Variants in PACS1 observed in about 807,000 individuals in gnomAD.
PACS1 encodes PACS-1.
A neutral mutation model predicts 115.0 loss-of-function variants in PACS1; 24 were observed. The ratio of observed to expected loss-of-function variants is 0.21; its 90% CI spans 0.15 to 0.29. The LOEUF is 0.29. Among genes scored for constraint, PACS1 ranks in the 10% least tolerant of loss-of-function variants. The pLI, the probability that PACS1 is intolerant of heterozygous loss-of-function variation, is 1.00. For missense variants in PACS1, 838 were observed against 1,251.2 expected (o/e 0.67, Z 4.98); for synonymous variants, 453 against 504.5 (o/e 0.90, Z 1.37).
intron 1 of PACS1, among the ~76,000 whole-genome samples, chr11:66,172,604 G>A (rs1375880819): frequency 2.0e-5 from 3 of 152,166 alleles, no homozygotes; most frequent in African/African-American, 7.2e-5. Context: ...CCACCAACTG[G>A]ATGGCAACCT....
chr11:66,132,017 G>C (rs1364260560), intron 1 of PACS1, among the ~76,000 whole-genome samples: 4 of 151,302 alleles, frequency 2.6e-5, no homozygotes, highest in Non-Finnish European at 5.9e-5. Context: ...TTGTCCCTTG[G>C]TATCTCTGGG....
intron 14 of PACS1, 69 bp downstream of exon 14, chr11:66,232,345 G>A (rs1855614446): frequency 3.4e-6 from 3 of 889,268 alleles, no homozygotes; most frequent in South Asian, 1.4e-5. Flanking sequence ...CATTGTCAGT[G>A]TGGCCTCCAT....
At chr11:66,203,695 A>G (rs1854869547) in intron 2 of PACS1, among the ~76,000 whole-genome samples, 1 of 152,176 alleles carries the variant, frequency 6.6e-6, no homozygotes, top group Non-Finnish European at 1.5e-5. Context: ...CTAGCAATAA[A>G]TCCATACATC....
At position 66,127,756 on chromosome 11, in the gene PACS1, G is replaced by A. The variant is rs951176794; in HGVS notation, c.356+56914G>A. ...CTGTGACACTTTTCTAGATTAAATC[G>A]TCCTAATACTCTACAATAAATGCTT... On this transcript the variant is annotated intron_variant, in intron 1 of 23. Coordinates refer to ENST00000320580, the MANE Select transcript of PACS1 (RefSeq NM_018026.4). Among the ~76,000 whole-genome samples the A allele has an allele frequency of 6.6e-5, 10 of 152,248 alleles. No homozygotes were observed. In the East Asian group the frequency reaches 1.2e-3, roughly 18 times the overall value.
chr11:66,216,892 C>A, intron 7 of PACS1, 117 bp downstream of exon 7: 1 of 597,710 alleles, frequency 1.7e-6, no homozygotes, highest in Admixed American at 2.4e-5. Context: ...GTCATCCCTT[C>A]AACGATTCCA....
chr11:66,138,511 G>C (rs2134589724), intron 1 of PACS1, among the ~76,000 whole-genome samples: 1 of 152,262 alleles, frequency 6.6e-6, no homozygotes, highest in East Asian at 1.9e-4. Context: ...GGCACTTACT[G>C]TCTTGGCACT....
At chr11:66,097,903 G>A (rs1365750914) in intron 1 of PACS1, among the ~76,000 whole-genome samples, 1 of 152,226 alleles carries the variant, frequency 6.6e-6, no homozygotes, top group African/African-American at 2.4e-5. Flanking sequence ...GGTAGGTTGG[G>A]CATGGTGGTT....
In PACS1 at chr11:66,165,283, C is replaced by T. The variant is rs188670703; in HGVS notation, c.357-28203C>T. ...GAAGGCGTGTCCTTCCGGTTTTCCT[C>T]CCTCATCGGCAGCTCCTCAGTTTCC... On this transcript the variant is annotated intron_variant, in intron 1 of 23. Coordinates refer to ENST00000320580, the MANE Select transcript of PACS1 (RefSeq NM_018026.4). Among the ~76,000 whole-genome samples the T allele has an allele frequency of 5.9e-5, 9 of 152,302 alleles. No individual in the cohort carries two copies. In the East Asian group the frequency reaches 1.5e-3, roughly 26 times the overall value.
At chr11:66,073,916 C>CT (rs34145797) in intron 1 of PACS1, among the ~76,000 whole-genome samples, 837 of 76,926 alleles carry the variant, frequency 0.011, 12 homozygotes, top group Middle Eastern at 0.019. Context: ...TCACACCTGG[C>CT]TTTTTTTTTT....
intron 1 of PACS1, among the ~76,000 whole-genome samples, chr11:66,083,533 A>G (rs1857521494): frequency 6.6e-6 from 1 of 152,214 alleles, no homozygotes; most frequent in South Asian, 2.1e-4. Flanking sequence ...TCCCAAATCT[A>G]AGATCTGGCA....
chr11:66,218,336 T>C (rs1039822621), intron 7 of PACS1: 1 of 152,178 alleles, frequency 6.6e-6, no homozygotes, highest in Non-Finnish European at 1.5e-5. Context: ...GCCCAGTCCA[T>C]GCCATCAAGC....
chr11:66,118,428 A>C (rs1858357885), intron 1 of PACS1, among the ~76,000 whole-genome samples: 1 of 152,072 alleles, frequency 6.6e-6, no homozygotes, highest in East Asian at 1.9e-4. Flanking sequence ...CCTAGGCAAC[A>C]TAAGGAGACC....
intron 4 of PACS1, among the ~76,000 whole-genome samples, chr11:66,215,527 G>A (rs916661739): frequency 5.9e-5 from 9 of 152,138 alleles, no homozygotes; most frequent in African/African-American, 2.2e-4. Flanking sequence ...TTGAGCCTGG[G>A]AGGTCGAGAC....
rs371513573 is a variant in PACS1 at position 66,216,740 on chromosome 11, C to G, written c.943C>G (p.Arg315Gly). The change falls in exon 7 of 24, where the codon CGG becomes GGG. Residue 315 changes from arginine to glycine, a missense_variant. Around this residue, in one of 6 missense-constraint regions of PACS1, gnomAD observed 223 missense variants for 354.0 expected, o/e 0.63. Coordinates refer to ENST00000320580, the MANE Select transcript of PACS1 (RefSeq NM_018026.4). ...DEDLRKVKKT[R>G]RKLTSTSAIT... ...AGATCTCCGGAAAGTGAAGAAGACCCGGAGGAAACTAACCTCAACCTCTGC... is the reference window on the plus strand; with the variant it reads ...AGATCTCCGGAAAGTGAAGAAGACCGGGAGGAAACTAACCTCAACCTCTGC... 7 of 1,613,896 alleles carry G rather than the reference C, an allele frequency of 4.3e-6. No homozygotes were observed. Among genetic ancestry groups the G allele is most frequent in the Non-Finnish European group, 5.9e-6 (7 of 1,179,930 alleles).
chr11:66,167,250 T>G (rs1859626084), intron 1 of PACS1, among the ~76,000 whole-genome samples: 1 of 150,216 alleles, frequency 6.7e-6, no homozygotes, highest in Non-Finnish European at 1.5e-5. Flanking sequence ...GATTTGTCAG[T>G]CTTTTTCTTA....
intron 1 of PACS1, among the ~76,000 whole-genome samples, chr11:66,140,279 G>A (rs1251142788): frequency 6.6e-6 from 1 of 152,156 alleles, no homozygotes; most frequent in Non-Finnish European, 1.5e-5. Flanking sequence ...TGCAAACCGA[G>A]GAGATTTTTG....
intron 1 of PACS1, among the ~76,000 whole-genome samples, chr11:66,187,031 G>A (rs1231625156): frequency 1.3e-5 from 2 of 152,194 alleles, no homozygotes; most frequent in Non-Finnish European, 2.9e-5. Flanking sequence ...GCTCAGTGTA[G>A]TGGTTTTGAA....
chr11:66,156,236 A>AG (rs1345055684), intron 1 of PACS1, among the ~76,000 whole-genome samples: 1 of 71,658 alleles, frequency 1.4e-5, no homozygotes, highest in Non-Finnish European at 2.3e-5. Flanking sequence ...ATATATATAT[A>AG]TATATATATA....
In PACS1 at chr11:66,216,626, TC is replaced by T. The variant is rs768125308; in HGVS notation, c.897+18del. On this transcript the variant is annotated intron_variant, in intron 6 of 23. Coordinates refer to ENST00000320580, the MANE Select transcript of PACS1 (RefSeq NM_018026.4). ...TGCATGGGCAGGTAACTTTCTGTGGTCCCTCACATGGCGTGTCCAAGAAGCT... is the reference window on the plus strand; with the variant it reads ...TGCATGGGCAGGTAACTTTCTGTGGTCCTCACATGGCGTGTCCAAGAAGCT... The T allele has an allele frequency of 1.2e-6, 2 of 1,611,626 alleles. No individual in the cohort carries two copies. Among genetic ancestry groups the T allele is most frequent in the Non-Finnish European group, 1.7e-6 (2 of 1,177,700 alleles).
Sources: allele counts gnomAD v4.1 joint callset (sites outside exome capture counted in the v4.1 genomes callset), GRCh38; gene constraint gnomAD v4.1.1; regional missense constraint gnomAD v4.1.1; transcripts MANE v1.5; gene names NCBI Gene and HGNC (gene_info 2026-07-23, HGNC 2026-07-21).